TPST1: variants seen among roughly 807,000 people sequenced by gnomAD.
TPST1 encodes the protein protein-tyrosine sulfotransferase 1.
In TPST1, 20 loss-of-function variants were observed where a neutral mutation model predicts 34.8. The observed-to-expected ratio is 0.57, with a 90% CI of 0.40 to 0.84. The LOEUF (loss-of-function observed/expected upper bound fraction) is 0.84. Ranked by LOEUF, TPST1 falls within the 40% of genes least tolerant of loss-of-function variation. TPST1 has a pLI of 0.00. For synonymous variants in TPST1, 152 were observed against 159.4 expected, an observed-to-expected ratio of 0.95 and a Z score of 0.35; for missense variants, 353 against 455.5, an observed-to-expected ratio of 0.78 and a Z score of 2.05.
intron 3 of TPST1, among the ~76,000 whole-genome samples, chr7:66,298,043 G>T (rs1562833395): frequency 1.3e-5 from 2 of 152,042 alleles, no homozygotes. Context: ...TGACCATTAT[G>T]GTCAGAGAAC....
At chr7:66,242,295 GAA>G (rs1790052256) in intron 2 of TPST1, among the ~76,000 whole-genome samples, 2 of 151,544 alleles carry the variant, frequency 1.3e-5, no homozygotes, top group Admixed American at 1.3e-4. Context: ...TATATAAAAA[GAA>G]ATATAAAAGG....
intron 2 of TPST1, among the ~76,000 whole-genome samples, chr7:66,269,045 G>A (rs1241949941): frequency 6.6e-6 from 1 of 152,180 alleles, no homozygotes; most frequent in Non-Finnish European, 1.5e-5. Flanking sequence ...TAATACATTT[G>A]AAAGTCTAGA....
intron 1 of TPST1, among the ~76,000 whole-genome samples, chr7:66,234,497 C>A (rs1409904820): frequency 6.6e-6 from 1 of 150,958 alleles, no homozygotes; most frequent in East Asian, 1.9e-4. Flanking sequence ...CAAATGTCAG[C>A]TTGTTATTGG....
chr7:66,336,627 C>A (rs10272408), intron 3 of TPST1, among the ~76,000 whole-genome samples: 1 of 152,020 alleles, frequency 6.6e-6, no homozygotes, highest in Non-Finnish European at 1.5e-5. Context: ...AGCAGACTAA[C>A]CTCTGCATAA....
intron 2 of TPST1, among the ~76,000 whole-genome samples, chr7:66,282,483 T>C (rs191796679): frequency 1.3e-5 from 2 of 152,310 alleles, no homozygotes; most frequent in East Asian, 3.9e-4. Context: ...AGTTGTCAAC[T>C]CCTGCTTTGA....
At chr7:66,203,173 A>C (rs1237885576), upstream of TPST1, among the ~76,000 whole-genome samples, 3 of 151,998 alleles carry the variant, frequency 2.0e-5, no homozygotes, top group African/African-American at 7.2e-5. Context: ...ATACACCCAC[A>C]CACATATATA....
intron 2 of TPST1, among the ~76,000 whole-genome samples, chr7:66,242,674 T>A (rs947074512): frequency 6.6e-6 from 1 of 152,244 alleles, no homozygotes; most frequent in Admixed American, 6.5e-5. Flanking sequence ...GCTTGTATGT[T>A]GGCCCGGCAC....
intron 1 of TPST1, among the ~76,000 whole-genome samples, chr7:66,229,969 A>C (rs1389239504): frequency 6.6e-6 from 1 of 152,202 alleles, no homozygotes; most frequent in Non-Finnish European, 1.5e-5. Flanking sequence ...CGGGCGGATC[A>C]TGAGGTCAAG....
At chr7:66,281,743 A>T (rs897454253) in intron 2 of TPST1, among the ~76,000 whole-genome samples, 3 of 152,130 alleles carry the variant, frequency 2.0e-5, no homozygotes, top group Non-Finnish European at 4.4e-5. Context: ...ATGCTTTAAT[A>T]TGGAGGATTT....
chr7:66,280,299 G>A (rs571254565), intron 2 of TPST1, among the ~76,000 whole-genome samples: 8 of 152,342 alleles, frequency 5.3e-5, no homozygotes, highest in South Asian at 2.1e-4. Flanking sequence ...CATTGGAAGC[G>A]TCTTTCTCCA....
intron 3 of TPST1, among the ~76,000 whole-genome samples, chr7:66,325,657 A>T (rs556740948): frequency 6.6e-6 from 1 of 151,662 alleles, no homozygotes; most frequent in Non-Finnish European, 1.5e-5. Context: ...TTTTTTTAAG[A>T]TGGAGTCTTG....
At chr7:66,312,661 A>G (rs1310575114) in intron 3 of TPST1, among the ~76,000 whole-genome samples, 2 of 152,220 alleles carry the variant, frequency 1.3e-5, no homozygotes, top group African/African-American at 4.8e-5. Flanking sequence ...TAAGTCGATC[A>G]TTGATTGTAT....
chr7:66,210,842 G>T (rs1276167741), intron 1 of TPST1, among the ~76,000 whole-genome samples: 1 of 152,074 alleles, frequency 6.6e-6, no homozygotes, highest in African/African-American at 2.4e-5. Flanking sequence ...GATGGCACAT[G>T]CCTGTAGTTC....
intron 3 of TPST1, among the ~76,000 whole-genome samples, chr7:66,327,355 T>C (rs942858902): frequency 5.3e-5 from 8 of 152,174 alleles, no homozygotes; most frequent in African/African-American, 1.7e-4. Context: ...GGATAAATTA[T>C]ATTTAGTTCA....
intron 3 of TPST1, among the ~76,000 whole-genome samples, chr7:66,320,745 T>C (rs1372743467): frequency 6.6e-6 from 1 of 151,766 alleles, no homozygotes; most frequent in Non-Finnish European, 1.5e-5. Context: ...ATTACAGACA[T>C]GTGCCACCAC....
chr7:66,223,883 A>T (rs1322443411), intron 1 of TPST1, among the ~76,000 whole-genome samples: 1 of 152,196 alleles, frequency 6.6e-6, no homozygotes, highest in Non-Finnish European at 1.5e-5. Flanking sequence ...CCGAGACATC[A>T]TTTCATTTAA....
At chr7:66,352,923 G>A (rs1792510889) in intron 4 of TPST1, 1 of 985,414 alleles carries the variant, frequency 1.0e-6, no homozygotes, top group Non-Finnish European at 1.2e-6. Flanking sequence ...TTCCTACTCT[G>A]TGTACTGTAC....
At chr7:66,252,563 G>A (rs1196334397) in intron 2 of TPST1, among the ~76,000 whole-genome samples, 1 of 151,524 alleles carries the variant, frequency 6.6e-6, no homozygotes, top group Non-Finnish European at 1.5e-5. Flanking sequence ...TCGATCTCCT[G>A]ACCTTGTGAT....
intron 3 of TPST1, among the ~76,000 whole-genome samples, chr7:66,315,163 A>G (rs767772711): frequency 6.6e-6 from 1 of 152,240 alleles, no homozygotes. Context: ...AGAGTTTATC[A>G]AAGGAATGAC....
Sources: allele counts gnomAD v4.1 joint callset (sites outside exome capture counted in the v4.1 genomes callset), GRCh38; gene constraint gnomAD v4.1.1; transcripts MANE v1.5; gene names NCBI Gene and HGNC (gene_info 2026-07-23, HGNC 2026-07-21).